Variants in DLG2 observed in about 807,000 individuals in gnomAD.
DLG2 encodes discs large MAGUK scaffold protein 2.
DLG2 carries 45 observed loss-of-function variants against 132.5 expected under a neutral mutation model. The observed-to-expected ratio is 0.34, with a 90% CI of 0.27 to 0.44. DLG2 has a LOEUF of 0.44. DLG2 is among the 20% of genes least tolerant of loss of function. The pLI is 1.00. For missense variants in DLG2, 1,045 were observed against 1,196.9 expected (o/e 0.87, Z 1.87); for synonymous variants, 424 against 419.6 (o/e 1.01, Z -0.13).
intron 11 of DLG2, among the ~76,000 whole-genome samples, chr11:84,057,650 A>G (rs934025560): frequency 2.0e-5 from 3 of 152,184 alleles, no homozygotes. Flanking sequence ...AAAGTTTAAA[A>G]CCATATGTAG....
intron 3 of DLG2, among the ~76,000 whole-genome samples, chr11:85,407,781 T>TC (rs776375195): frequency 1.3e-5 from 2 of 151,820 alleles, no homozygotes; most frequent in Non-Finnish European, 2.9e-5. Flanking sequence ...ATACTTATAC[T>TC]CCAAGTTGAG....
chr11:85,363,813 A>T (rs1466597318), intron 3 of DLG2, among the ~76,000 whole-genome samples: 1 of 152,234 alleles, frequency 6.6e-6, no homozygotes, highest in Non-Finnish European at 1.5e-5. Context: ...TTGTCAAAGT[A>T]TAACAATGGT....
chr11:85,228,983 CT>C (rs908627914), intron 4 of DLG2, among the ~76,000 whole-genome samples: 2 of 150,516 alleles, frequency 1.3e-5, no homozygotes, highest in East Asian at 2.0e-4. Flanking sequence ...TTTCCTATAC[CT>C]TTTTTTGTAT....
chr11:84,748,208 G>C (rs1226437450), intron 6 of DLG2, among the ~76,000 whole-genome samples: 1 of 152,094 alleles, frequency 6.6e-6, no homozygotes, highest in Admixed American at 6.5e-5. Context: ...CATTCAGGAG[G>C]CCTGCCAACT....
At chr11:85,328,717 G>T (rs942041655) in intron 3 of DLG2, among the ~76,000 whole-genome samples, 3 of 151,658 alleles carry the variant, frequency 2.0e-5, no homozygotes, top group African/African-American at 7.3e-5. Context: ...ACCGGCACAA[G>T]ACAAGAATGC....
At chr11:83,842,740 T>C (rs1179598966) in intron 16 of DLG2, among the ~76,000 whole-genome samples, 37 of 144,348 alleles carry the variant, frequency 2.6e-4, no homozygotes, top group African/African-American at 9.4e-4. Flanking sequence ...GGCGTGAACC[T>C]GGGAGGCAGA....
chr11:83,946,742 C>T (rs1225498343), intron 14 of DLG2, among the ~76,000 whole-genome samples: 4 of 152,072 alleles, frequency 2.6e-5, no homozygotes, highest in Admixed American at 6.5e-5. Flanking sequence ...AATACACACA[C>T]GTGCACATAC....
intron 7 of DLG2, among the ~76,000 whole-genome samples, chr11:84,531,355 G>A (rs1247003221): frequency 6.6e-6 from 1 of 152,092 alleles, no homozygotes; most frequent in Non-Finnish European, 1.5e-5. Context: ...GGTGAGGATT[G>A]AAAAACTACC....
chr11:85,353,702 G>A (rs1049306068), intron 3 of DLG2, among the ~76,000 whole-genome samples: 5 of 152,086 alleles, frequency 3.3e-5, no homozygotes, highest in Non-Finnish European at 5.9e-5. Flanking sequence ...CATGGATGAA[G>A]CTGGAAACCA....
At chr11:83,975,431 A>T (rs2154169988) in intron 12 of DLG2, among the ~76,000 whole-genome samples, 1 of 152,138 alleles carries the variant, frequency 6.6e-6, no homozygotes, top group African/African-American at 2.4e-5. Flanking sequence ...TTTGCTAAAA[A>T]GAACATATAC....
At chr11:83,587,693 A>C (rs1201740132) in intron 19 of DLG2, among the ~76,000 whole-genome samples, 3 of 152,224 alleles carry the variant, frequency 2.0e-5, no homozygotes, top group Non-Finnish European at 2.9e-5. Context: ...TGAGCTACGC[A>C]GAAGACGGGT....
At chr11:84,407,599 AC>A (rs1280349901) in intron 7 of DLG2, among the ~76,000 whole-genome samples, 1 of 152,100 alleles carries the variant, frequency 6.6e-6, no homozygotes, top group African/African-American at 2.4e-5. Context: ...CTCTGATAGG[AC>A]TGGTGACACT....
intron 7 of DLG2, among the ~76,000 whole-genome samples, chr11:84,369,260 T>C (rs2098696644): frequency 6.6e-6 from 1 of 152,070 alleles, no homozygotes; most frequent in Non-Finnish European, 1.5e-5. Context: ...CCACAGTTGG[T>C]TTGGAACTTA....
intron 11 of DLG2, among the ~76,000 whole-genome samples, chr11:84,044,753 G>C (rs1314678627): frequency 6.6e-6 from 1 of 151,608 alleles, no homozygotes; most frequent in Non-Finnish European, 1.5e-5. Flanking sequence ...TCAATCACAA[G>C]TTTCAACTAC....
At chr11:84,337,398 A>T (rs2098491126) in intron 7 of DLG2, among the ~76,000 whole-genome samples, 1 of 152,210 alleles carries the variant, frequency 6.6e-6, no homozygotes, top group African/African-American at 2.4e-5. Context: ...AAGTTAGAAA[A>T]TTCACATAAG....
intron 20 of DLG2, among the ~76,000 whole-genome samples, chr11:83,536,884 G>C (rs901121418): frequency 6.6e-6 from 1 of 152,132 alleles, no homozygotes; most frequent in Non-Finnish European, 1.5e-5. Context: ...TACTTTCCCG[G>C]TAAGAATCTA....
At chr11:85,505,828 A>G (rs1293728246) in intron 3 of DLG2, among the ~76,000 whole-genome samples, 1 of 152,124 alleles carries the variant, frequency 6.6e-6, no homozygotes, top group Non-Finnish European at 1.5e-5. Flanking sequence ...GGTAGAATCC[A>G]GCTGTGAATC....
At chr11:84,809,060 T>C (rs949733857) in intron 6 of DLG2, among the ~76,000 whole-genome samples, 1 of 151,872 alleles carries the variant, frequency 6.6e-6, no homozygotes, top group Non-Finnish European at 1.5e-5. Context: ...AGCAAATAAA[T>C]TTCGACAATA....
chr11:84,344,339 C>T (rs768469656), intron 7 of DLG2, among the ~76,000 whole-genome samples: 5 of 152,072 alleles, frequency 3.3e-5, no homozygotes, highest in Non-Finnish European at 7.4e-5. Context: ...ACTATGAGGG[C>T]TTTTGGAAAG....
Sources: gnomAD v4.1 joint callset for allele counts (sites outside exome capture counted in the v4.1 genomes callset) on GRCh38, gnomAD v4.1.1 for gene constraint, MANE v1.5 for transcripts, NCBI Gene and HGNC (gene_info 2026-07-23, HGNC 2026-07-21) for gene names.